The following LDLRAD4 variants were observed in gnomAD, a reference collection of about 807,000 sequenced individuals.
LDLRAD4 encodes the protein low density lipoprotein receptor class A domain containing 4, also known as low-density lipoprotein receptor class A domain-containing protein 4.
LDLRAD4 carries 5 observed loss-of-function variants against 17.0 expected under a neutral mutation model. The observed-to-expected ratio is 0.29, with a 90% CI of 0.15 to 0.62. The LOEUF (loss-of-function observed/expected upper bound fraction) is 0.62, where lower values mean the gene tolerates loss of function less well. Among genes scored for constraint, LDLRAD4 ranks in the 20% least tolerant of loss-of-function variants. The pLI, the probability that LDLRAD4 is intolerant of heterozygous loss-of-function variation, is 0.84. For missense variants in LDLRAD4, 340 were observed against 424.7 expected (o/e 0.80, Z 1.75); for synonymous variants, 168 against 171.8 (o/e 0.98, Z 0.17).
chr18:13,330,494 A>G (rs2081796937), intron 1 of LDLRAD4, among the ~76,000 whole-genome samples: 1 of 152,128 alleles, frequency 6.6e-6, no homozygotes, highest in Non-Finnish European at 1.5e-5. Context: ...GTCTTCAGAA[A>G]ACTTTATTAA....
At chr18:13,384,995 G>T (rs143255080) in intron 1 of LDLRAD4, among the ~76,000 whole-genome samples, 1 of 152,310 alleles carries the variant, frequency 6.6e-6, no homozygotes, top group East Asian at 1.9e-4. Flanking sequence ...CCTTGGATAT[G>T]TACTCAGCAG....
At chr18:13,643,011 C>A (rs942136697) in intron 4 of LDLRAD4, among the ~76,000 whole-genome samples, 19 of 151,588 alleles carry the variant, frequency 1.3e-4, no homozygotes, top group African/African-American at 4.6e-4. Context: ...TCTCGGCTCA[C>A]TGCAACCTCC....
chr18:13,266,119 G>C (rs2146040125), intron 1 of LDLRAD4, among the ~76,000 whole-genome samples: 1 of 152,318 alleles, frequency 6.6e-6, no homozygotes, highest in African/African-American at 2.4e-5. Flanking sequence ...AGCAAGAATG[G>C]CGGGCTCCTT....
intron 2 of LDLRAD4, among the ~76,000 whole-genome samples, chr18:13,388,795 A>T (rs900082730): frequency 2.0e-5 from 3 of 152,236 alleles, no homozygotes; most frequent in African/African-American, 7.2e-5. Context: ...AGGAAGAACG[A>T]GGGGACGGGT....
intron 3 of LDLRAD4, among the ~76,000 whole-genome samples, chr18:13,527,415 GGCCCTTATGGT>G (rs1268540585): frequency 6.6e-6 from 1 of 152,216 alleles, no homozygotes; most frequent in Non-Finnish European, 1.5e-5. Context: ...CTGGAGACCG[GGCCCTTATGGT>G]GCTGGCCTGG....
chr18:13,494,004 T>C (rs1304288529), intron 3 of LDLRAD4, among the ~76,000 whole-genome samples: 1 of 152,162 alleles, frequency 6.6e-6, no homozygotes, highest in Non-Finnish European at 1.5e-5. Flanking sequence ...TCCTGCCTTA[T>C]GGTGTGGAGG....
intron 3 of LDLRAD4, among the ~76,000 whole-genome samples, chr18:13,579,501 A>G (rs2094825809): frequency 1.3e-5 from 2 of 152,236 alleles, no homozygotes; most frequent in South Asian, 4.1e-4. Context: ...ATGGATGACC[A>G]GTAAGGGGAG....
At chr18:13,648,603 A>T (rs1371670823) in exon 6 of LDLRAD4, 1 of 152,224 alleles carries the variant, frequency 6.6e-6, no homozygotes, top group Non-Finnish European at 1.5e-5. Context: ...CAACTTACAC[A>T]GTGGGGCCTA....
At chr18:13,304,691 A>G (rs2146627495) in intron 1 of LDLRAD4, among the ~76,000 whole-genome samples, 1 of 152,308 alleles carries the variant, frequency 6.6e-6, no homozygotes, top group East Asian at 1.9e-4. Flanking sequence ...GGTTTGGGCA[A>G]TGGGCCCCAT....
At chr18:13,501,836 CTTTCA>C (rs1238658194) in intron 3 of LDLRAD4, among the ~76,000 whole-genome samples, 1 of 152,124 alleles carries the variant, frequency 6.6e-6, no homozygotes, top group Admixed American at 6.5e-5. Flanking sequence ...AATAACAGAG[CTTTCA>C]TTTCAAGATT....
intron 3 of LDLRAD4, among the ~76,000 whole-genome samples, chr18:13,569,000 G>A (rs1568351635): frequency 6.6e-6 from 1 of 151,940 alleles, no homozygotes; most frequent in Non-Finnish European, 1.5e-5. Flanking sequence ...ATGTTTGTAG[G>A]CACCCCATGA....
intron 3 of LDLRAD4, among the ~76,000 whole-genome samples, chr18:13,473,640 T>C (rs978698741): frequency 6.6e-4 from 26 of 39,610 alleles, no homozygotes; most frequent in African/African-American, 2.3e-3. Flanking sequence ...CCATCTCATA[T>C]ATATATATAT....
At chr18:13,470,474 T>A (rs2092737759) in intron 3 of LDLRAD4, among the ~76,000 whole-genome samples, 1 of 150,722 alleles carries the variant, frequency 6.6e-6, no homozygotes, top group Middle Eastern at 3.2e-3. Context: ...TTGTGGCACG[T>A]AATTCATGTC....
At chr18:13,549,818 G>T (rs1177127234) in intron 3 of LDLRAD4, among the ~76,000 whole-genome samples, 1 of 152,002 alleles carries the variant, frequency 6.6e-6, no homozygotes, top group Non-Finnish European at 1.5e-5. Flanking sequence ...TTTTTTCTGG[G>T]GAAGCCAGCA....
At chr18:13,282,668 C>T (rs2045353581) in intron 1 of LDLRAD4, among the ~76,000 whole-genome samples, 1 of 152,218 alleles carries the variant, frequency 6.6e-6, no homozygotes, top group South Asian at 2.1e-4. Context: ...TGGCTGCTTG[C>T]ACATGCTGGC....
chr18:13,297,963 T>C (rs1473159288), intron 1 of LDLRAD4, among the ~76,000 whole-genome samples: 1 of 152,220 alleles, frequency 6.6e-6, no homozygotes, highest in Non-Finnish European at 1.5e-5. Flanking sequence ...CTCTTAGTTA[T>C]AGGCGCTAAC....
intron 1 of LDLRAD4, among the ~76,000 whole-genome samples, chr18:13,316,252 G>A (rs1051151803): frequency 6.6e-6 from 1 of 152,240 alleles, no homozygotes; most frequent in African/African-American, 2.4e-5. Context: ...GCATCTGAGT[G>A]AAAGGACAGC....
intron 3 of LDLRAD4, among the ~76,000 whole-genome samples, chr18:13,525,753 A>G (rs552248080): frequency 6.8e-4 from 103 of 152,322 alleles, no homozygotes; most frequent in African/African-American, 2.1e-3. Context: ...TGGCACCTGT[A>G]AGTGGAAAAC....
chr18:13,351,795 G>T (rs983176005), intron 1 of LDLRAD4, among the ~76,000 whole-genome samples: 7 of 152,058 alleles, frequency 4.6e-5, no homozygotes, highest in African/African-American at 1.7e-4. Context: ...CCAAAACTTG[G>T]CAGAGACACA....
Sources: gnomAD v4.1 joint callset for allele counts (sites outside exome capture counted in the v4.1 genomes callset) on GRCh38, gnomAD v4.1.1 for gene constraint, MANE v1.5 for transcripts, NCBI Gene and HGNC (gene_info 2026-07-23, HGNC 2026-07-21) for gene names.